Variants in SLC22A9 observed in about 807,000 individuals in gnomAD.
SLC22A9 encodes the protein solute carrier family 22 member 9, also known as organic anion transporter 7.
In SLC22A9, 64 loss-of-function variants were observed where a neutral mutation model predicts 50.1. That is an observed-to-expected ratio of 1.28 (90% CI 1.04 to 1.57). The LOEUF (loss-of-function observed/expected upper bound fraction) is 1.57, where lower values mean the gene tolerates loss of function less well. Among genes scored for constraint, SLC22A9 ranks in the 40% most tolerant of loss-of-function variants. The pLI is 0.00. For missense variants in SLC22A9, 757 were observed against 676.1 expected, an observed-to-expected ratio of 1.12 and a Z score of -1.33; for synonymous variants, 261 against 242.5, an observed-to-expected ratio of 1.08 and a Z score of -0.71.
At chr11:63,389,367 T>C (rs1292858894) in intron 6 of SLC22A9, among the ~76,000 whole-genome samples, 1 of 151,424 alleles carries the variant, frequency 6.6e-6, no homozygotes, top group African/African-American at 2.4e-5. Context: ...GTGTGTGATG[T>C]TCCCCTCCCT....
At chr11:63,393,513 G>A (rs1201955344) in intron 6 of SLC22A9, among the ~76,000 whole-genome samples, 3 of 152,090 alleles carry the variant, frequency 2.0e-5, no homozygotes, top group Admixed American at 6.6e-5. Context: ...AGTTCTCAGA[G>A]GGAATGCTTT....
intron 6 of SLC22A9, among the ~76,000 whole-genome samples, chr11:63,406,239 A>G (rs1037309602): frequency 6.6e-6 from 1 of 152,180 alleles, no homozygotes; most frequent in Non-Finnish European, 1.5e-5. Flanking sequence ...CACAGTCTGT[A>G]TCTCTTTCTG....
intron 3 of SLC22A9, 22 bp from the exon 4 acceptor site, chr11:63,373,872 C>A: frequency 6.2e-7 from 1 of 1,611,242 alleles, no homozygotes; most frequent in Non-Finnish European, 8.5e-7. Context: ...GAAGTCAAAG[C>A]CTTATCTGTT....
At chr11:63,375,306 G>A (rs1268309514) in intron 4 of SLC22A9, among the ~76,000 whole-genome samples, 1 of 152,134 alleles carries the variant, frequency 6.6e-6, no homozygotes, top group Non-Finnish European at 1.5e-5. Context: ...ATTAAGAATA[G>A]ACATAAGTCA....
chr11:63,409,526 C>CCA (rs554344766), intron 9 of SLC22A9, among the ~76,000 whole-genome samples: 8 of 152,118 alleles, frequency 5.3e-5, no homozygotes, highest in Non-Finnish European at 1.2e-4. Flanking sequence ...CCATCCTGGG[C>CCA]CACAGGCAGC....
intron 5 of SLC22A9, among the ~76,000 whole-genome samples, chr11:63,381,287 G>A (rs902680781): frequency 6.6e-6 from 1 of 152,112 alleles, no homozygotes; most frequent in African/African-American, 2.4e-5. Flanking sequence ...TATTTAAAGT[G>A]GTTAGGACCA....
At chr11:63,395,023 A>G (rs1015688583) in intron 6 of SLC22A9, among the ~76,000 whole-genome samples, 1 of 151,590 alleles carries the variant, frequency 6.6e-6, no homozygotes, top group Non-Finnish European at 1.5e-5. Flanking sequence ...TGCTTGTTCA[A>G]TTCTATTGCT....
chr11:63,405,492 T>A (rs781371184), intron 6 of SLC22A9, among the ~76,000 whole-genome samples: 13 of 152,190 alleles, frequency 8.5e-5, no homozygotes, highest in Non-Finnish European at 1.5e-4. Context: ...TATTGACTCC[T>A]TTCTATGCTA....
intron 4 of SLC22A9, 37 bp from the exon 5 acceptor site, chr11:63,375,608 G>C: frequency 6.3e-7 from 1 of 1,598,410 alleles, no homozygotes; most frequent in African/African-American, 1.3e-5. Flanking sequence ...ATGAGGAAGT[G>C]AAAGTCGACT....
At chr11:63,371,294 A>G (rs2014356221) in intron 2 of SLC22A9, 56 bp downstream of exon 2, 4 of 1,323,718 alleles carry the variant, frequency 3.0e-6, no homozygotes, top group East Asian at 2.4e-5. Context: ...AACTTATGAA[A>G]CATTATTTCA....
intron 6 of SLC22A9, among the ~76,000 whole-genome samples, chr11:63,393,194 G>T (rs920086943): frequency 6.6e-6 from 1 of 152,034 alleles, no homozygotes; most frequent in African/African-American, 2.4e-5. Flanking sequence ...CCTTGTAGGG[G>T]TCTTTTGTCT....
At chr11:63,380,846 G>T (rs576567014) in intron 5 of SLC22A9, among the ~76,000 whole-genome samples, 1 of 151,600 alleles carries the variant, frequency 6.6e-6, no homozygotes, top group African/African-American at 2.4e-5. Context: ...CATGTGCCCC[G>T]AGCCTAAAAG....
chr11:63,409,948 A>G lies in SLC22A9; in HGVS notation c.*86A>G, dbSNP rs1478598593. 8 of 1,486,666 alleles carry G rather than the reference A, an allele frequency of 5.4e-6. No individual in the cohort carries two copies. The highest frequency in any genetic ancestry group is 7.5e-6 in the Non-Finnish European group (8 of 1,071,994). The allele number at this position is 1,486,666 out of a possible 1,614,324, so 92.1% of individuals were successfully genotyped here. A position where few individuals can be genotyped will look rare whatever the true frequency, so the allele number is the denominator to read the frequency against. On this transcript the variant is annotated 3_prime_UTR_variant, in exon 10 of 10. Transcript: ENST00000279178. ...CCTAGACACTAGCAAAATCTAGAAA[A>G]TAAATAACAAGGCTGGGTGCGGTGG...
Position 63,370,418 on chromosome 11 carries a change from T to C in SLC22A9, c.362T>C (p.Val121Ala). 6.2e-7 allele frequency: 1 copy of C among 1,606,840 alleles called. No homozygotes were observed. The highest frequency in any genetic ancestry group is 1.1e-5 in the South Asian group (1 of 89,690). Residue 121 changes from valine (V) to alanine (A), a missense_variant, in exon 1 of 10, where the codon GTG becomes GCG. Val to Ala is a moderately conservative substitution (Grantham distance 64). Transcript: ENST00000279178. ...ADMEPCVDGW[V>A]YDRISFSSTI... ...ATGGAGCCCTGTGTGGATGGCTGGG[T>C]GTATGACAGAATCTCCTTCTCATCC...
rs2014403838 is a variant in SLC22A9 at position 63,373,648 on chromosome 11, G to C, written c.511G>C (p.Gly171Arg). The C allele has an allele frequency of 1.3e-6, 2 of 1,551,722 alleles. No homozygotes were observed. The highest frequency in any genetic ancestry group is 1.3e-5 in the South Asian group (1 of 79,642). Reference protein sequence around the residue: ...ILGGHLSDRFGRRFVLRWCYL... With the variant: ...ILGGHLSDRFRRRFVLRWCYL... ...TAACCTGTTTCTGTTTCTCAGGTTT[G>C]GGAGAAGGTTCGTGCTCAGATGGTG... The change falls in exon 3 of 10, where the codon GGG (glycine) becomes CGG (arginine). Residue 171 changes from glycine (G) to arginine (R), a missense_variant. Gly to Arg is a moderately radical substitution (Grantham distance 125). Transcript: ENST00000279178.
intron 6 of SLC22A9, among the ~76,000 whole-genome samples, chr11:63,386,855 G>T (rs770755624): frequency 4.3e-4 from 65 of 150,460 alleles, no homozygotes; most frequent in Non-Finnish European, 8.2e-4. Context: ...TTTGTTTTTT[G>T]TTTTGTTTTG....
chr11:63,402,792 T>A (rs1270760068), intron 6 of SLC22A9, among the ~76,000 whole-genome samples: 1 of 152,130 alleles, frequency 6.6e-6, no homozygotes, highest in African/African-American at 2.4e-5. Flanking sequence ...TATACCATAT[T>A]ACTTTCCTTT....
intron 6 of SLC22A9, among the ~76,000 whole-genome samples, chr11:63,398,261 C>T (rs79205534): frequency 0.034 from 5,238 of 152,136 alleles, 268 homozygotes; most frequent in African/African-American, 0.12. Flanking sequence ...AAGACAAAGT[C>T]CTCTTCATTC....
intron 6 of SLC22A9, among the ~76,000 whole-genome samples, chr11:63,397,954 T>C (rs771774454): frequency 6.6e-6 from 1 of 151,844 alleles, no homozygotes; most frequent in Non-Finnish European, 1.5e-5. Context: ...GTAGAAGGAG[T>C]GTCTCCCCTT....
Sources: allele counts gnomAD v4.1 joint callset (sites outside exome capture counted in the v4.1 genomes callset), GRCh38; gene constraint gnomAD v4.1.1; transcripts MANE v1.5; gene names NCBI Gene and HGNC (gene_info 2026-07-23, HGNC 2026-07-21).